Variants in KIF6 observed in about 807,000 individuals in gnomAD.
KIF6 encodes kinesin family member 6, also known as kinesin-like protein KIF6.
KIF6 carries 106 observed loss-of-function variants against 112.7 expected under a neutral mutation model. That is an observed-to-expected ratio of 0.94 (90% confidence interval 0.80 to 1.11). KIF6 has a LOEUF of 1.11. Ranked by LOEUF, KIF6 falls within the 50% of genes least tolerant of loss-of-function variation. The probability of loss-of-function intolerance (pLI) is 0.00; values close to 1 mark genes in which losing one functional copy is unlikely to be tolerated. For missense variants in KIF6, 929 were observed against 964.0 expected (o/e 0.96, Z 0.48); for synonymous variants, 339 against 339.9 (o/e 1.00, Z 0.03).
At chr6:39,688,984 A>AT (rs1788027003) in intron 3 of KIF6, among the ~76,000 whole-genome samples, 1 of 152,040 alleles carries the variant, frequency 6.6e-6, no homozygotes, top group Admixed American at 6.6e-5. Context: ...CATCTGGATA[A>AT]TTTTTTATTT....
intron 13 of KIF6, among the ~76,000 whole-genome samples, chr6:39,500,489 T>C (rs1293122885): frequency 2.0e-5 from 3 of 152,148 alleles, no homozygotes; most frequent in Non-Finnish European, 4.4e-5. Context: ...TAGGGAAATA[T>C]AATGCGTGAA....
chr6:39,440,197 G>A (rs1294273138), intron 13 of KIF6, among the ~76,000 whole-genome samples: 1 of 152,024 alleles, frequency 6.6e-6, no homozygotes, highest in East Asian at 1.9e-4. Context: ...AGCATGAGAA[G>A]GCTCAGAGCT....
Position 39,596,087 on chromosome 6 carries a change from C to G in KIF6, c.813G>C (p.Lys271Asn), listed in dbSNP as rs7738892. Residue 271 changes from lysine (K) to asparagine (N), a missense_variant, in exon 7 of 23, where the codon AAG becomes AAC. Transcript: ENST00000287152. ...AGTAATGTAGTGACAAGTTGATATA[C>G]TTGGCCTCTGTTAGAAGATGGCCCC... ...GVGGHLLTEA[K>N]YINLSLHYLE... 2 of 1,613,786 alleles carry G rather than the reference C, an allele frequency of 1.2e-6. No homozygotes were observed. The highest frequency in any genetic ancestry group is 8.5e-7 in the Non-Finnish European group (1 of 1,179,838).
At chr6:39,417,599 TC>T (rs982257087) in intron 15 of KIF6, among the ~76,000 whole-genome samples, 7 of 152,174 alleles carry the variant, frequency 4.6e-5, no homozygotes, top group Non-Finnish European at 1.0e-4. Flanking sequence ...GGCCCTTGGC[TC>T]TTGGGCAGGA....
chr6:39,689,604 C>CT (rs914647753), intron 3 of KIF6, among the ~76,000 whole-genome samples: 45 of 151,834 alleles, frequency 3.0e-4, no homozygotes, highest in African/African-American at 1.1e-3. Flanking sequence ...TTTTGTTTTT[C>CT]TTTTTTTTCA....
chr6:39,671,919 G>A (rs904234801), intron 3 of KIF6, among the ~76,000 whole-genome samples: 2 of 152,162 alleles, frequency 1.3e-5, no homozygotes, highest in Non-Finnish European at 2.9e-5. Context: ...TAGATTCACT[G>A]GTGTGTTTAA....
At chr6:39,592,166 T>A (rs1781990865) in intron 7 of KIF6, among the ~76,000 whole-genome samples, 1 of 152,176 alleles carries the variant, frequency 6.6e-6, no homozygotes, top group Admixed American at 6.5e-5. Flanking sequence ...TTTCCTTCCA[T>A]CTTAGATTGC....
chr6:39,535,609 T>A (rs1190206031), intron 13 of KIF6, among the ~76,000 whole-genome samples: 1 of 152,082 alleles, frequency 6.6e-6, no homozygotes, highest in Non-Finnish European at 1.5e-5. Flanking sequence ...CACACAATAA[T>A]AATGGGAGAC....
chr6:39,647,210 C>T (rs757294941), intron 3 of KIF6, among the ~76,000 whole-genome samples: 6 of 152,094 alleles, frequency 3.9e-5, no homozygotes, highest in Non-Finnish European at 7.4e-5. Flanking sequence ...ATTTTGATCA[C>T]GGGGCATTTC....
rs988400116 is a variant in KIF6, at chr6:39,383,813, T to G, written c.1861+1809A>C. Among the ~76,000 whole-genome samples the G allele has an allele frequency of 2.6e-5, 4 of 152,236 alleles. No homozygotes were observed. The East Asian group carries it at 7.7e-4, about 29-fold the overall frequency. On this transcript the variant is annotated intron_variant, in intron 16 of 22. Coordinates refer to ENST00000287152, the MANE Select transcript of KIF6 (RefSeq NM_145027.6). ...TGGAATGCTTTTCCATTTGTTTGTGTTGTCTATGATTTCTTCCAGCAGTGT... is the reference window on the plus strand; with the variant it reads ...TGGAATGCTTTTCCATTTGTTTGTGGTGTCTATGATTTCTTCCAGCAGTGT...
At chr6:39,370,183 C>T (rs1765861388) in intron 16 of KIF6, among the ~76,000 whole-genome samples, 1 of 152,164 alleles carries the variant, frequency 6.6e-6, no homozygotes, top group Non-Finnish European at 1.5e-5. Context: ...TTCTTAGAGA[C>T]ATTAGTAGGA....
chr6:39,725,144 C>T (rs551908287), intron 1 of KIF6, 101 bp downstream of exon 1: 1 of 990,130 alleles, frequency 1.0e-6, no homozygotes, highest in African/African-American at 1.7e-5. Context: ...CGGCGCCCAC[C>T]AGCAAGCCCC....
intron 9 of KIF6, chr6:39,583,339 C>CT: frequency 2.1e-6 from 1 of 467,224 alleles, no homozygotes; most frequent in Non-Finnish European, 4.4e-6. Context: ...CCACCTGAAT[C>CT]TTGACTTTGC....
intron 13 of KIF6, among the ~76,000 whole-genome samples, chr6:39,434,240 A>C (rs1771359913): frequency 6.6e-6 from 1 of 152,074 alleles, no homozygotes; most frequent in African/African-American, 2.4e-5. Flanking sequence ...TCTTGATTTA[A>C]AGAATTTGGA....
chr6:39,383,410 A>G (rs1767140975), intron 16 of KIF6, among the ~76,000 whole-genome samples: 1 of 152,168 alleles, frequency 6.6e-6, no homozygotes, highest in Non-Finnish European at 1.5e-5. Context: ...CATTTATTGA[A>G]TAGGGTGTTC....
chr6:39,611,176 C>T (rs978057947), intron 6 of KIF6, among the ~76,000 whole-genome samples: 8 of 152,068 alleles, frequency 5.3e-5, no homozygotes, highest in Admixed American at 6.5e-5. Context: ...GGTGTGGTGG[C>T]GCATGACTGC....
intron 15 of KIF6, among the ~76,000 whole-genome samples, chr6:39,411,121 A>G (rs1393393404): frequency 6.6e-6 from 1 of 152,240 alleles, no homozygotes; most frequent in Non-Finnish European, 1.5e-5. Flanking sequence ...TGGATATTAA[A>G]GGATATTTTC....
chr6:39,613,800 G>C (rs181951934), intron 5 of KIF6, among the ~76,000 whole-genome samples: 350 of 152,242 alleles, frequency 2.3e-3, no homozygotes, highest in Non-Finnish European at 4.1e-3. Flanking sequence ...TGAGGCATCT[G>C]TCATCCTTCT....
chr6:39,548,041 G>T (rs74904963), intron 10 of KIF6, among the ~76,000 whole-genome samples: 3,464 of 152,232 alleles, frequency 0.023, 65 homozygotes, highest in Non-Finnish European at 0.033. Context: ...ATATACACTC[G>T]TTTTCTGGAG....
Sources: gnomAD v4.1 joint callset for allele counts (sites outside exome capture counted in the v4.1 genomes callset) on GRCh38, gnomAD v4.1.1 for gene constraint, MANE v1.5 for transcripts, NCBI Gene and HGNC (gene_info 2026-07-23, HGNC 2026-07-21) for gene names.